Variants in GARIN1B observed in about 807,000 individuals in gnomAD.
GARIN1B encodes the protein Golgi-associated RAB2 interactor protein 1B.
the GARIN1B span, among the ~76,000 whole-genome samples, chr7:128,729,724 T>C: frequency 3.9e-5 from 6 of 152,190 alleles, no homozygotes; most frequent in African/African-American, 1.4e-4. Flanking sequence ...TGTGTGACAG[T>C]TGGTAAGTTA....
the GARIN1B span, among the ~76,000 whole-genome samples, chr7:128,720,830 A>G: frequency 3.3e-5 from 5 of 152,306 alleles, 1 homozygote; most frequent in South Asian, 1.0e-3. Flanking sequence ...TTATTTGCCT[A>G]TTCTTGTGTT....
At chr7:128,711,195 C>T in the GARIN1B span, among the ~76,000 whole-genome samples, 1 of 151,846 alleles carries the variant, frequency 6.6e-6, no homozygotes, top group East Asian at 1.9e-4. Context: ...TTACGGAGAT[C>T]TCGTGATAGA....
the GARIN1B span, among the ~76,000 whole-genome samples, chr7:128,716,061 G>T: frequency 1.3e-5 from 2 of 152,290 alleles, no homozygotes; most frequent in South Asian, 4.1e-4. Context: ...ACAGCACCTG[G>T]GGTCCCAGAG....
At chr7:128,709,459 T>C in the GARIN1B span, among the ~76,000 whole-genome samples, 1 of 152,214 alleles carries the variant, frequency 6.6e-6, no homozygotes, top group African/African-American at 2.4e-5. Flanking sequence ...GTGCTTAGTG[T>C]TTTGAGATTA....
At chr7:128,726,184 A>G in the GARIN1B span, among the ~76,000 whole-genome samples, 439 of 152,282 alleles carry the variant, frequency 2.9e-3, 1 homozygote, top group African/African-American at 9.9e-3. Context: ...TTAAACAGGG[A>G]AGTGACGTGA....
chr7:128,715,597 A>C, the GARIN1B span: 1 of 1,614,140 alleles, frequency 6.2e-7, no homozygotes, highest in East Asian at 2.2e-5. Context: ...GAGCGGGCCT[A>C]GGTGTGGAGG....
the GARIN1B span, chr7:128,726,881 G>A: frequency 6.2e-7 from 1 of 1,613,186 alleles, no homozygotes; most frequent in East Asian, 2.2e-5. Flanking sequence ...GGTAAGGGAG[G>A]GCACAGGGTA....
chr7:128,727,378 G>T, the GARIN1B span, among the ~76,000 whole-genome samples: 1 of 152,230 alleles, frequency 6.6e-6, no homozygotes, highest in African/African-American at 2.4e-5. Context: ...AAAGAAGGGG[G>T]TCCCTCATTC....
At chr7:128,729,567 C>T in the GARIN1B span, among the ~76,000 whole-genome samples, 2 of 152,208 alleles carry the variant, frequency 1.3e-5, no homozygotes, top group African/African-American at 4.8e-5. Flanking sequence ...CTAGATGAGT[C>T]TCCTGGGGAA....
At chr7:128,713,872 C>A in the GARIN1B span, 1 of 864,644 alleles carries the variant, frequency 1.2e-6, no homozygotes, top group Non-Finnish European at 1.8e-6. Context: ...TGAACAGCAA[C>A]GTATCAATTT....
the GARIN1B span, chr7:128,715,770 TG>T: frequency 2.4e-6 from 3 of 1,251,778 alleles, no homozygotes; most frequent in South Asian, 4.0e-5. Context: ...AGTCCATCCC[TG>T]AAACTGGGGC....
At chr7:128,714,043 A>G in the GARIN1B span, 1 of 1,535,136 alleles carries the variant, frequency 6.5e-7, no homozygotes, top group Non-Finnish European at 8.7e-7. Context: ...GTGAGGTTGG[A>G]AGTTGGTTTA....
the GARIN1B span, chr7:128,716,755 T>C: frequency 1.4e-6 from 2 of 1,465,214 alleles, no homozygotes; most frequent in Non-Finnish European, 1.9e-6. Context: ...AACCCTGGGC[T>C]GAAACAGACT....
chr7:128,709,363 G>A, the GARIN1B span, among the ~76,000 whole-genome samples: 2 of 152,084 alleles, frequency 1.3e-5, no homozygotes, highest in African/African-American at 4.8e-5. Flanking sequence ...CTTATTTCAT[G>A]TTTTATGTCC....
At chr7:128,726,842 G>C in the GARIN1B span, 1,514 of 1,613,944 alleles carry the variant, frequency 9.4e-4, no homozygotes, top group Non-Finnish European at 1.1e-3. Flanking sequence ...AGGAGCAGCA[G>C]AAAGGTGGAG....
the GARIN1B span, chr7:128,731,312 C>G: frequency 1.6e-6 from 1 of 630,156 alleles, no homozygotes; most frequent in Admixed American, 2.5e-5. Flanking sequence ...CATATGCCAC[C>G]TCCATGCCAC....
At chr7:128,727,194 C>A in the GARIN1B span, among the ~76,000 whole-genome samples, 3 of 152,230 alleles carry the variant, frequency 2.0e-5, no homozygotes, top group Admixed American at 1.3e-4. Flanking sequence ...TCATTCAAAA[C>A]CACGCACTGA....
chr7:128,715,532 A>G, the GARIN1B span: 3 of 1,614,140 alleles, frequency 1.9e-6, no homozygotes, highest in Non-Finnish European at 8.5e-7. Flanking sequence ...CCCTTCCCTG[A>G]ATGCCTGGGA....
the GARIN1B span, among the ~76,000 whole-genome samples, chr7:128,719,696 G>GTTTTTTTTTTTTTTTTTTTTTT: frequency 9.0e-6 from 1 of 110,906 alleles, no homozygotes. Context: ...GTTTTGTTTT[G>GTTTTTTTTTTTTTTTTTTTTTT]CTTTTTTTTT....
Sources: allele counts gnomAD v4.1 joint callset (sites outside exome capture counted in the v4.1 genomes callset), GRCh38; gene constraint gnomAD v4.1.1; transcripts MANE v1.5; gene names NCBI Gene and HGNC (gene_info 2026-07-23, HGNC 2026-07-21).